Variants in TPRG1 observed in about 807,000 individuals in gnomAD.
The protein encoded by TPRG1 is tumor protein p63-regulated gene 1 protein.
In TPRG1, 29 loss-of-function variants were observed where a neutral mutation model predicts 29.3. The observed-to-expected ratio is 0.99, with a 90% confidence interval of 0.74 to 1.35. TPRG1 has a LOEUF of 1.35. TPRG1 is among the 40% of genes most tolerant of loss of function. TPRG1 has a pLI of 0.00. For synonymous variants in TPRG1, 130 were observed against 116.8 expected, an observed-to-expected ratio of 1.11 and a Z score of -0.73; for missense variants, 327 against 335.0, an observed-to-expected ratio of 0.98 and a Z score of 0.19.
chr3:189,143,818 G>A (rs1282304732), intron 3 of TPRG1, among the ~76,000 whole-genome samples: 2 of 152,126 alleles, frequency 1.3e-5, no homozygotes, highest in African/African-American at 4.8e-5. Flanking sequence ...CTGGAAAATG[G>A]GACCCTGTTA....
intron 4 of TPRG1, among the ~76,000 whole-genome samples, chr3:189,285,109 C>T (rs975495162): frequency 9.8e-5 from 15 of 152,294 alleles, no homozygotes; most frequent in African/African-American, 3.6e-4. Context: ...AATCAAACAA[C>T]CCCATCAACA....
chr3:189,255,615 T>C (rs987967077), intron 4 of TPRG1, among the ~76,000 whole-genome samples: 1 of 152,258 alleles, frequency 6.6e-6, no homozygotes, highest in Non-Finnish European at 1.5e-5. Flanking sequence ...CTCTTCTTTG[T>C]ACCTCTGGTA....
chr3:189,310,624 C>CAAAATAAAATAAAAT (rs201735894), intron 5 of TPRG1, 85 bp downstream of exon 5: 18 of 470,512 alleles, frequency 3.8e-5, no homozygotes, highest in African/African-American at 3.0e-4. Flanking sequence ...CTAAACAAAA[C>CAAAATAAAATAAAAT]AAAATAAAAT....
chr3:189,159,626 A>G (rs969735378), intron 5 of TPRG1, among the ~76,000 whole-genome samples: 2 of 152,102 alleles, frequency 1.3e-5, no homozygotes, highest in Non-Finnish European at 2.9e-5. Flanking sequence ...TAGCAATCTG[A>G]AGTCAGCCAG....
At chr3:189,045,538 C>G (rs1714921377) in intron 4 of TPRG1, among the ~76,000 whole-genome samples, 3 of 152,172 alleles carry the variant, frequency 2.0e-5, no homozygotes, top group African/African-American at 7.2e-5. Flanking sequence ...CTTGATCTGT[C>G]TACACTTCAG....
chr3:189,037,861 A>G (rs990667560), intron 4 of TPRG1, among the ~76,000 whole-genome samples: 4 of 151,490 alleles, frequency 2.6e-5, no homozygotes, highest in Non-Finnish European at 5.9e-5. Flanking sequence ...AAATATATTA[A>G]CCTATTAAGA....
intron 4 of TPRG1, among the ~76,000 whole-genome samples, chr3:189,028,923 G>C (rs1448399083): frequency 2.0e-5 from 3 of 151,880 alleles, no homozygotes; most frequent in African/African-American, 7.3e-5. Flanking sequence ...AAAATACCAA[G>C]TGTCTCGAAA....
chr3:189,272,340 A>C (rs1302033782), intron 4 of TPRG1, among the ~76,000 whole-genome samples: 3 of 152,056 alleles, frequency 2.0e-5, no homozygotes, highest in Non-Finnish European at 2.9e-5. Flanking sequence ...TTTTGTGCCA[A>C]CTCTGCCAGG....
chr3:189,038,189 A>G (rs527800184), intron 4 of TPRG1, among the ~76,000 whole-genome samples: 147 of 152,178 alleles, frequency 9.7e-4, no homozygotes, highest in African/African-American at 3.4e-3. Flanking sequence ...TGATCAGACA[A>G]GTAAAACAAT....
At position 189,198,795 on chromosome 3, in the gene TPRG1, G is replaced by A. The variant is rs145647602; in HGVS notation, c.-9-8581G>A. On this transcript the variant is annotated intron_variant, in intron 1 of 5. Transcript: ENST00000345063. ...TACAGAATAGTAGGATCAATGCCAC[G>A]GGAGTCAAGAACTCAAGTGCTCTCA... 7.9e-3 allele frequency among the ~76,000 whole-genome samples: 1,204 copies of A among 152,236 alleles called. 8 individuals carry two copies. Among genetic ancestry groups the A allele is most frequent in the Middle Eastern group, 0.051 (15 of 294 alleles).
At chr3:189,231,514 C>A (rs1283906540) in intron 3 of TPRG1, among the ~76,000 whole-genome samples, 1 of 152,052 alleles carries the variant, frequency 6.6e-6, no homozygotes, top group Non-Finnish European at 1.5e-5. Flanking sequence ...TAATAACCAA[C>A]AATATTTGAA....
At chr3:189,178,335 A>G (rs1190232614) in intron 1 of TPRG1, among the ~76,000 whole-genome samples, 1 of 152,066 alleles carries the variant, frequency 6.6e-6, no homozygotes, top group Non-Finnish European at 1.5e-5. Context: ...TCCAGAACAG[A>G]CTGGCCAACA....
intron 4 of TPRG1, among the ~76,000 whole-genome samples, chr3:189,240,840 A>T (rs1740456059): frequency 6.6e-6 from 1 of 152,184 alleles, no homozygotes; most frequent in African/African-American, 2.4e-5. Flanking sequence ...ATTACATATT[A>T]TTTTACCTAA....
At chr3:189,231,019 A>G (rs1738554538) in intron 3 of TPRG1, among the ~76,000 whole-genome samples, 1 of 151,830 alleles carries the variant, frequency 6.6e-6, no homozygotes, top group Non-Finnish European at 1.5e-5. Flanking sequence ...TTCAACTGAT[A>G]CTCTCATGAG....
At chr3:189,315,888 A>G (rs1428231357) in intron 5 of TPRG1, among the ~76,000 whole-genome samples, 1 of 152,208 alleles carries the variant, frequency 6.6e-6, no homozygotes, top group African/African-American at 2.4e-5. Context: ...TAAGATTGTA[A>G]ATAGGGGGAG....
intron 2 of TPRG1, among the ~76,000 whole-genome samples, chr3:189,214,101 G>A (rs1015171916): frequency 1.8e-4 from 27 of 152,170 alleles, no homozygotes; most frequent in African/African-American, 6.0e-4. Flanking sequence ...GATAGGCTTT[G>A]CCAATTATTT....
In TPRG1 at chr3:189,209,331, A is replaced by G. The variant is rs558687415; in HGVS notation, c.210+1737A>G. Among the ~76,000 whole-genome samples the G allele has an allele frequency of 2.3e-3, 356 of 152,328 alleles. 3 individuals are homozygous for G. The highest frequency in any genetic ancestry group is 7.8e-3 in the African/African-American group (324 of 41,564). On this transcript the variant is annotated intron_variant, in intron 2 of 5. Transcript: ENST00000345063. The stretch of plus-strand genomic sequence containing the variant: ...AACAGGGAAAACGACTTATGTTTCA[A>G]TTCTACCTTTTGAATATTACACAGG...
chr3:189,119,190 T>C (rs1304276917), intron 1 of TPRG1, among the ~76,000 whole-genome samples: 1 of 152,134 alleles, frequency 6.6e-6, no homozygotes, highest in Admixed American at 6.5e-5. Flanking sequence ...AACTTTAAGG[T>C]TTAATGACTG....
chr3:189,261,781 G>C (rs1346140094), intron 4 of TPRG1, among the ~76,000 whole-genome samples: 1 of 152,172 alleles, frequency 6.6e-6, no homozygotes, highest in East Asian at 1.9e-4. Context: ...TAGAATCTGA[G>C]GAGTTTATTA....
Sources: allele counts gnomAD v4.1 joint callset (sites outside exome capture counted in the v4.1 genomes callset), GRCh38; gene constraint gnomAD v4.1.1; transcripts MANE v1.5; gene names NCBI Gene and HGNC (gene_info 2026-07-23, HGNC 2026-07-21).